The following UBE2E2 variants were observed in gnomAD, a reference collection of about 807,000 sequenced individuals.
UBE2E2 encodes the protein ubiquitin-conjugating enzyme E2 E2.
Under a neutral mutation model 24.7 loss-of-function variants are expected in UBE2E2, and 6 were observed. The ratio of observed to expected loss-of-function variants is 0.24; its 90% CI spans 0.13 to 0.48. UBE2E2 has a LOEUF of 0.48. Ranked by LOEUF, UBE2E2 falls within the 20% of genes least tolerant of loss-of-function variation. UBE2E2 has a pLI of 0.99. For missense variants in UBE2E2, 169 were observed against 245.0 expected (o/e 0.69, Z 2.07); for synonymous variants, 104 against 83.6 (o/e 1.24, Z -1.33).
intron 4 of UBE2E2, among the ~76,000 whole-genome samples, chr3:23,505,213 C>T (rs1032012250): frequency 2.0e-5 from 3 of 151,624 alleles, no homozygotes; most frequent in Non-Finnish European, 2.9e-5. Context: ...GAGCCACCGC[C>T]GCCGGCCTGT....
At chr3:23,269,536 A>G (rs769550993) in intron 3 of UBE2E2, among the ~76,000 whole-genome samples, 10 of 152,126 alleles carry the variant, frequency 6.6e-5, no homozygotes, top group Admixed American at 1.3e-4. Context: ...TCACCTTCCA[A>G]TGGGACAGGA....
At chr3:23,560,646 A>T (rs1306691033) in intron 5 of UBE2E2, among the ~76,000 whole-genome samples, 3 of 152,116 alleles carry the variant, frequency 2.0e-5, no homozygotes, top group Admixed American at 6.5e-5. Context: ...CGCCACACTG[A>T]CTTCCACAAT....
intron 5 of UBE2E2, among the ~76,000 whole-genome samples, chr3:23,565,483 G>T (rs1019667323): frequency 1.6e-5 from 2 of 123,578 alleles, no homozygotes; most frequent in African/African-American, 6.7e-5. Context: ...AGTGAAAGAG[G>T]TTTGCAGCTG....
chr3:23,585,489 T>A (rs1465016871), intron 5 of UBE2E2, among the ~76,000 whole-genome samples: 1 of 152,204 alleles, frequency 6.6e-6, no homozygotes, highest in South Asian at 2.1e-4. Flanking sequence ...ACACTGTAGA[T>A]CCTATACTTC....
chr3:23,328,758 T>G (rs1164675287), intron 3 of UBE2E2, among the ~76,000 whole-genome samples: 1 of 151,944 alleles, frequency 6.6e-6, no homozygotes, highest in East Asian at 1.9e-4. Context: ...GCCTCCTAGA[T>G]TCAAGCGATT....
chr3:23,288,056 C>T (rs1475472657), intron 3 of UBE2E2, among the ~76,000 whole-genome samples: 3 of 151,934 alleles, frequency 2.0e-5, no homozygotes, highest in African/African-American at 7.2e-5. Context: ...GATGCAGGCA[C>T]TTGGAAGTAT....
At chr3:23,217,833 T>G (rs1372953572) in intron 3 of UBE2E2, among the ~76,000 whole-genome samples, 1 of 152,058 alleles carries the variant, frequency 6.6e-6, no homozygotes, top group Non-Finnish European at 1.5e-5. Flanking sequence ...CCCTTTATGA[T>G]CATGACCTCG....
chr3:23,586,826 T>C (rs1184107176), intron 5 of UBE2E2, among the ~76,000 whole-genome samples: 2 of 152,162 alleles, frequency 1.3e-5, no homozygotes, highest in African/African-American at 4.8e-5. Context: ...CAATTATCTA[T>C]GTAAAAAGTT....
At chr3:23,383,489 T>G (rs1371175541) in intron 3 of UBE2E2, among the ~76,000 whole-genome samples, 3 of 152,148 alleles carry the variant, frequency 2.0e-5, no homozygotes, top group Admixed American at 2.0e-4. Flanking sequence ...TTTTTTCTGT[T>G]TAACTGGTAA....
chr3:23,540,692 C>T (rs1021001072), intron 5 of UBE2E2, among the ~76,000 whole-genome samples: 8 of 152,034 alleles, frequency 5.3e-5, no homozygotes, highest in South Asian at 2.1e-4. Context: ...CATGAGCCAC[C>T]GTGCCTGGCA....
intron 3 of UBE2E2, among the ~76,000 whole-genome samples, chr3:23,263,549 G>A (rs1697958732): frequency 6.6e-6 from 1 of 152,250 alleles, no homozygotes; most frequent in Non-Finnish European, 1.5e-5. Context: ...TCACCTTAGT[G>A]GAAGATGCTC....
intron 3 of UBE2E2, among the ~76,000 whole-genome samples, chr3:23,451,500 A>G (rs1048087365): frequency 6.6e-6 from 1 of 152,172 alleles, no homozygotes; most frequent in African/African-American, 2.4e-5. Context: ...TAGCCAGGAA[A>G]TTTAGGTCTT....
At chr3:23,586,907 C>CT (rs11349385) in intron 5 of UBE2E2, among the ~76,000 whole-genome samples, 2,316 of 147,700 alleles carry the variant, frequency 0.016, 59 homozygotes, top group African/African-American at 0.051. Context: ...AAATTAATCC[C>CT]TTTTTTTTTT....
intron 3 of UBE2E2, among the ~76,000 whole-genome samples, chr3:23,415,354 G>A (rs894757633): frequency 4.6e-5 from 7 of 152,112 alleles, no homozygotes; most frequent in African/African-American, 1.4e-4. Flanking sequence ...TCCTATGTCT[G>A]TATCAGTATT....
intron 3 of UBE2E2, among the ~76,000 whole-genome samples, chr3:23,477,803 A>T (rs1699171943): frequency 6.6e-6 from 1 of 152,226 alleles, no homozygotes; most frequent in South Asian, 2.1e-4. Flanking sequence ...GACACATGTC[A>T]TGGGAGGAAC....
chr3:23,370,338 C>G (rs1005668391), intron 3 of UBE2E2, among the ~76,000 whole-genome samples: 4 of 152,174 alleles, frequency 2.6e-5, no homozygotes, highest in African/African-American at 9.7e-5. Context: ...AGTGAATTCA[C>G]TAGGTGGCTA....
At chr3:23,581,033 A>T (rs1696466056) in intron 5 of UBE2E2, among the ~76,000 whole-genome samples, 1 of 152,102 alleles carries the variant, frequency 6.6e-6, no homozygotes, top group African/African-American at 2.4e-5. Flanking sequence ...ATTTCAGGTA[A>T]ATGGTGAAAT....
intron 4 of UBE2E2, among the ~76,000 whole-genome samples, chr3:23,516,111 C>T (rs1694734392): frequency 6.6e-6 from 1 of 152,170 alleles, no homozygotes; most frequent in Admixed American, 6.5e-5. Flanking sequence ...AATTCAGAAA[C>T]AGTTGTATCT....
intron 5 of UBE2E2, among the ~76,000 whole-genome samples, chr3:23,553,515 G>A (rs1043365876): frequency 1.3e-5 from 2 of 152,098 alleles, no homozygotes; most frequent in Non-Finnish European, 2.9e-5. Context: ...CTTAAAGTAG[G>A]TTGTACATTA....
Sources: gnomAD v4.1 joint callset for allele counts (sites outside exome capture counted in the v4.1 genomes callset) on GRCh38, gnomAD v4.1.1 for gene constraint, MANE v1.5 for transcripts, NCBI Gene and HGNC (gene_info 2026-07-23, HGNC 2026-07-21) for gene names.